Variants in CA10 observed in about 807,000 individuals in gnomAD.
CA10 encodes carbonic anhydrase 10 (inactive).
Under a neutral mutation model 44.2 loss-of-function variants are expected in CA10, and 14 were observed. The ratio of observed to expected loss-of-function variants is 0.32; its 90% CI spans 0.21 to 0.50. CA10 has a LOEUF of 0.50. Ranked by LOEUF, CA10 falls within the 20% of genes least tolerant of loss-of-function variation. CA10 has a pLI of 0.99. For synonymous variants in CA10, 159 were observed against 141.6 expected, an observed-to-expected ratio of 1.12 and a Z score of -0.87; for missense variants, 350 against 409.7, an observed-to-expected ratio of 0.85 and a Z score of 1.26.
At chr17:51,848,654 G>A (rs1463736066) in intron 3 of CA10, among the ~76,000 whole-genome samples, 1 of 152,192 alleles carries the variant, frequency 6.6e-6, no homozygotes, top group Non-Finnish European at 1.5e-5. Flanking sequence ...TGGGACAACT[G>A]GAGTCACAGG....
intron 1 of CA10, among the ~76,000 whole-genome samples, chr17:52,140,983 T>C (rs1989466363): frequency 6.6e-6 from 1 of 152,200 alleles, no homozygotes; most frequent in Admixed American, 6.5e-5. Flanking sequence ...TCTCAGGTTG[T>C]CATTCCTAAA....
chr17:51,816,453 T>C (rs1907567381), intron 3 of CA10, among the ~76,000 whole-genome samples: 1 of 152,220 alleles, frequency 6.6e-6, no homozygotes, highest in Non-Finnish European at 1.5e-5. Flanking sequence ...TGCTGGATCA[T>C]ATGGTAGCTC....
intron 3 of CA10, among the ~76,000 whole-genome samples, chr17:51,752,396 G>A (rs976901018): frequency 6.6e-6 from 1 of 152,078 alleles, no homozygotes; most frequent in East Asian, 1.9e-4. Flanking sequence ...GGATATCCAG[G>A]TTGCCTCTGG....
At chr17:51,632,647 G>A (rs929400204) in intron 8 of CA10, among the ~76,000 whole-genome samples, 7 of 152,178 alleles carry the variant, frequency 4.6e-5, no homozygotes, top group Non-Finnish European at 1.0e-4. Context: ...GCCAGGTCTA[G>A]GGGGTAAACA....
chr17:51,934,973 G>A (rs1019890564), intron 2 of CA10, among the ~76,000 whole-genome samples: 3 of 152,128 alleles, frequency 2.0e-5, no homozygotes, highest in African/African-American at 4.8e-5. Context: ...GCCTACTGGG[G>A]CATGGGAGTC....
At chr17:52,090,973 C>A (rs1369359277) in intron 1 of CA10, among the ~76,000 whole-genome samples, 2 of 151,988 alleles carry the variant, frequency 1.3e-5, no homozygotes, top group Non-Finnish European at 2.9e-5. Flanking sequence ...AGTAAACTTA[C>A]AAATAACAGG....
chr17:51,673,480 T>C (rs1477675253), intron 4 of CA10, among the ~76,000 whole-genome samples: 2 of 152,196 alleles, frequency 1.3e-5, no homozygotes, highest in Non-Finnish European at 2.9e-5. Context: ...GCTATATTTA[T>C]AGACTTGGGC....
chr17:52,132,354 G>T (rs1989261028), intron 1 of CA10, among the ~76,000 whole-genome samples: 1 of 152,068 alleles, frequency 6.6e-6, no homozygotes, highest in African/African-American at 2.4e-5. Context: ...GTGGCAGACA[G>T]TAAAGCACAT....
chr17:51,829,861 G>A (rs1908165524), intron 3 of CA10, among the ~76,000 whole-genome samples: 2 of 152,136 alleles, frequency 1.3e-5, no homozygotes, highest in South Asian at 4.1e-4. Context: ...ATGAAGTTTA[G>A]AAGTAGCCCA....
intron 1 of CA10, among the ~76,000 whole-genome samples, chr17:52,132,321 C>A (rs930610626): frequency 5.9e-5 from 9 of 152,038 alleles, no homozygotes; most frequent in African/African-American, 2.2e-4. Flanking sequence ...CTGAGCATGA[C>A]AACAACAGGA....
intron 8 of CA10, among the ~76,000 whole-genome samples, chr17:51,633,114 A>AAG (rs1912661310): frequency 6.6e-6 from 1 of 151,612 alleles, no homozygotes; most frequent in Non-Finnish European, 1.5e-5. Flanking sequence ...ATGGCAATAA[A>AAG]AAGCTGTCTT....
At chr17:51,852,453 A>G (rs1978839521) in intron 3 of CA10, among the ~76,000 whole-genome samples, 1 of 152,208 alleles carries the variant, frequency 6.6e-6, no homozygotes, top group Non-Finnish European at 1.5e-5. Flanking sequence ...GTACTATTAT[A>G]GTACTACTAG....
intron 3 of CA10, among the ~76,000 whole-genome samples, chr17:51,871,081 CAG>C (rs1298255091): frequency 9.8e-6 from 1 of 102,350 alleles, no homozygotes; most frequent in Non-Finnish European, 1.8e-5. Context: ...TTTTTTGAGA[CAG>C]AGTCTTGCTC....
intron 3 of CA10, among the ~76,000 whole-genome samples, chr17:51,801,348 T>G (rs1906921717): frequency 6.6e-6 from 1 of 152,166 alleles, no homozygotes; most frequent in African/African-American, 2.4e-5. Flanking sequence ...CCTTGGGGAC[T>G]GGGGAGAATT....
intron 2 of CA10, among the ~76,000 whole-genome samples, chr17:52,013,594 T>C (rs1035127858): frequency 2.0e-5 from 3 of 151,868 alleles, no homozygotes; most frequent in Non-Finnish European, 2.9e-5. Flanking sequence ...ATATGGAACA[T>C]AGAAAGAAAT....
Position 51,835,091 on chromosome 17 carries a change from C to T in CA10, c.280-87273G>A, listed in dbSNP as rs1055047505. Among the ~76,000 whole-genome samples the T allele has an allele frequency of 2.6e-5, 4 of 152,218 alleles. No homozygotes were observed. In the East Asian group the frequency reaches 5.8e-4, roughly 22 times the overall value. On this transcript the variant is annotated intron_variant, in intron 3 of 8. Coordinates refer to ENST00000451037, the MANE Select transcript of CA10 (RefSeq NM_020178.5). Reference sequence around the variant, plus strand: ...GCAAAAGCAATCTGACCTTGTGCCCCGGCTGCTCAATGGTGTTGTAGATAA... The same window carrying T: ...GCAAAAGCAATCTGACCTTGTGCCCTGGCTGCTCAATGGTGTTGTAGATAA...
intron 3 of CA10, among the ~76,000 whole-genome samples, chr17:51,859,556 T>C (rs1242222415): frequency 6.6e-6 from 1 of 152,132 alleles, no homozygotes; most frequent in Non-Finnish European, 1.5e-5. Context: ...CTGTGCCACG[T>C]TTCACACAGG....
chr17:51,843,900 A>T (rs1978384342), intron 3 of CA10, among the ~76,000 whole-genome samples: 1 of 152,112 alleles, frequency 6.6e-6, no homozygotes, highest in South Asian at 2.1e-4. Context: ...CACTGAATTG[A>T]CCCCTTAAAA....
intron 4 of CA10, chr17:51,661,841 T>A (rs989865835): frequency 6.6e-6 from 1 of 152,218 alleles, no homozygotes; most frequent in Non-Finnish European, 1.5e-5. Flanking sequence ...GTCAGCAGAC[T>A]TTTTCCTGTA....
Sources: allele counts gnomAD v4.1 joint callset (sites outside exome capture counted in the v4.1 genomes callset), GRCh38; gene constraint gnomAD v4.1.1; transcripts MANE v1.5; gene names NCBI Gene and HGNC (gene_info 2026-07-23, HGNC 2026-07-21).